Variants in EXTL3 observed in about 807,000 individuals in gnomAD.
EXTL3 encodes exostosin like glycosyltransferase 3.
Under a neutral mutation model 69.3 loss-of-function variants are expected in EXTL3, and 27 were observed. The observed-to-expected ratio is 0.39, with a 90% confidence interval of 0.29 to 0.54. The LOEUF is 0.54. EXTL3 is among the 20% of genes least tolerant of loss of function. EXTL3 has a pLI of 0.69. For synonymous variants in EXTL3, 511 were observed against 499.4 expected (o/e 1.02, Z -0.31); for missense variants, 1,003 against 1,231.8 (o/e 0.81, Z 2.78).
chr8:28,739,164 C>T (rs1210772109), intron 5 of EXTL3, among the ~76,000 whole-genome samples: 4 of 152,162 alleles, frequency 2.6e-5, no homozygotes, highest in African/African-American at 4.8e-5. Context: ...TTGTTTCCAG[C>T]ATATCTCCCG....
chr8:28,718,968 C>T (rs1051197024), intron 3 of EXTL3, among the ~76,000 whole-genome samples: 1 of 152,114 alleles, frequency 6.6e-6, no homozygotes, highest in African/African-American at 2.4e-5. Context: ...CAGAATTAAA[C>T]TTGGCATTCT....
At chr8:28,737,470 A>G in intron 4 of EXTL3, 49 bp from the exon 5 acceptor site, 1 of 1,609,642 alleles carries the variant, frequency 6.2e-7, no homozygotes, top group Non-Finnish European at 8.5e-7. Context: ...ACTTCTGATG[A>G]CCCTAGAGCT....
intron 1 of EXTL3, among the ~76,000 whole-genome samples, chr8:28,712,903 ATGTAG>A (rs1344619776): frequency 6.6e-6 from 1 of 152,218 alleles, no homozygotes; most frequent in Non-Finnish European, 1.5e-5. Context: ...TAGACTCTGT[ATGTAG>A]TATCTTTTAG....
Position 28,704,691 on chromosome 8 carries a change from C to T in EXTL3, c.-570+3032C>T, listed in dbSNP as rs1048611819. 7.3e-5 allele frequency among the ~76,000 whole-genome samples: 11 copies of T among 151,584 alleles called. No homozygotes were observed. The East Asian group carries it at 9.6e-4, about 13-fold the overall frequency. On this transcript the variant is annotated intron_variant, in intron 1 of 6. Coordinates refer to ENST00000220562, the MANE Select transcript of EXTL3 (RefSeq NM_001440.4). ...TTTTTTTTCAATTTTTCTATTGAGA[C>T]GGCGTCTCGCTCTTTTCGCCCAGGC...
chr8:28,656,484 T>C (rs1807013513), intron 1 of EXTL3, among the ~76,000 whole-genome samples: 1 of 152,184 alleles, frequency 6.6e-6, no homozygotes, highest in Non-Finnish European at 1.5e-5. Context: ...TTTTTTAATT[T>C]TATCCTCCAA....
chr8:28,677,300 T>C (rs1807403270), intron 1 of EXTL3, among the ~76,000 whole-genome samples: 1 of 152,172 alleles, frequency 6.6e-6, no homozygotes, highest in Non-Finnish European at 1.5e-5. Context: ...TTTATTATTT[T>C]TTTAAAAATC....
chr8:28,672,249 C>G (rs1255980071), intron 1 of EXTL3, among the ~76,000 whole-genome samples: 1 of 151,840 alleles, frequency 6.6e-6, no homozygotes, highest in African/African-American at 2.4e-5. Flanking sequence ...AACCCTGTCT[C>G]TACTAAAAAT....
intron 1 of EXTL3, among the ~76,000 whole-genome samples, chr8:28,713,134 C>T (rs1278716658): frequency 6.6e-6 from 1 of 152,188 alleles, no homozygotes; most frequent in Non-Finnish European, 1.5e-5. Context: ...TATATACTTT[C>T]AACAAGTAAG....
chr8:28,718,171 G>C lies in EXTL3; in HGVS notation c.2112G>C (p.Glu704Asp), dbSNP rs780049312. Residue 704 changes from glutamate to aspartate, a missense_variant, in exon 3 of 7, where the codon GAG becomes GAC. Physicochemically the swap from Glu to Asp is conservative, Grantham distance 45. Coordinates refer to ENST00000220562, the MANE Select transcript of EXTL3 (RefSeq NM_001440.4). ...GGAATTCTCCCAAGCTGCCATCAGA[G>C]GACCTTCTGTGGCCTGACATTGGCG... ...VVWNSPKLPS[E>D]DLLWPDIGVP... 3.7e-5 allele frequency: 59 copies of C among 1,614,100 alleles called. No homozygotes were observed. Among genetic ancestry groups the C allele is most frequent in the Non-Finnish European group, 4.8e-5 (57 of 1,180,044 alleles).
At chr8:28,611,837 G>A (rs1345509614) in intron 2 of EXTL3, among the ~76,000 whole-genome samples, 3 of 152,228 alleles carry the variant, frequency 2.0e-5, no homozygotes, top group Admixed American at 2.0e-4. Flanking sequence ...AGGGGTCACA[G>A]GGTTAAATAC....
intron 1 of EXTL3, among the ~76,000 whole-genome samples, chr8:28,679,243 C>T (rs557802473): frequency 3.1e-4 from 47 of 151,976 alleles, no homozygotes; most frequent in Non-Finnish European, 2.4e-4. Flanking sequence ...GTCAAGAGAT[C>T]GAGACCATCC....
At chr8:28,708,184 A>C (rs185117068) in intron 1 of EXTL3, among the ~76,000 whole-genome samples, 149 of 152,330 alleles carry the variant, frequency 9.8e-4, no homozygotes, top group Non-Finnish European at 2.0e-3. Flanking sequence ...GTTGCATCAT[A>C]ATCTTCACTC....
intron 1 of EXTL3, among the ~76,000 whole-genome samples, chr8:28,638,487 C>T (rs1406257906): frequency 6.6e-6 from 1 of 152,170 alleles, no homozygotes; most frequent in African/African-American, 2.4e-5. Flanking sequence ...CTGTTCGCTC[C>T]ACTCTCAGGC....
chr8:28,711,146 G>C (rs1801023378), intron 1 of EXTL3, among the ~76,000 whole-genome samples: 1 of 152,200 alleles, frequency 6.6e-6, no homozygotes, highest in South Asian at 2.1e-4. Context: ...GAAGTGTATA[G>C]AGTTGTTTGT....
At chr8:28,723,610 A>G (rs943155163) in intron 3 of EXTL3, among the ~76,000 whole-genome samples, 1 of 148,884 alleles carries the variant, frequency 6.7e-6, no homozygotes, top group Non-Finnish European at 1.5e-5. Context: ...TGACTAACTG[A>G]TACCTGTATT....
chr8:28,743,064 G>T, intron 5 of EXTL3, 22 bp from the exon 6 acceptor site: 1 of 1,613,950 alleles, frequency 6.2e-7, no homozygotes. Flanking sequence ...AGAGCATGTG[G>T]TTCTTTTTCT....
chr8:28,716,446 C>G lies in EXTL3; in HGVS notation c.387C>G (p.Leu129=). 1 of 1,613,798 alleles carries G rather than the reference C, an allele frequency of 6.2e-7. No homozygotes were observed. ...TTGAGAACGCCAAGCAGGACCTGCT[C>G]CAGCTCAAGAATGTCATCAGCCAGA... ...KSIENAKQDL[L]QLKNVISQTE... is the part of the protein sequence containing the mutation. Residue 129 remains leucine (L), a synonymous_variant, in exon 3 of 7, where the codon CTC becomes CTG. Coordinates refer to ENST00000220562, the MANE Select transcript of EXTL3 (RefSeq NM_001440.4). The surrounding 1 kb of genome is among the most constrained non-coding windows in gnomAD (Gnocchi z 7.1).
At chr8:28,632,116 T>A (rs1218415984) in intron 1 of EXTL3, among the ~76,000 whole-genome samples, 1 of 130,186 alleles carries the variant, frequency 7.7e-6, no homozygotes, top group Admixed American at 7.7e-5. Flanking sequence ...AAAAAAAAAA[T>A]TTATCTTGGG....
At chr8:28,668,324 C>CTTTTTTT (rs71549687) in intron 1 of EXTL3, among the ~76,000 whole-genome samples, 21 of 82,556 alleles carry the variant, frequency 2.5e-4, no homozygotes, top group African/African-American at 4.3e-4. Context: ...AGAGTTGTTA[C>CTTTTTTT]TTTTTTTTTT....
Sources: allele counts gnomAD v4.1 joint callset (sites outside exome capture counted in the v4.1 genomes callset), GRCh38; gene constraint gnomAD v4.1.1; non-coding constraint Gnocchi (gnomAD v3.1); transcripts MANE v1.5; gene names NCBI Gene and HGNC (gene_info 2026-07-23, HGNC 2026-07-21).